Variants in ATRNL1 observed in about 807,000 individuals in gnomAD.
ATRNL1 encodes the protein attractin like 1.
In ATRNL1, 95 loss-of-function variants were observed where a neutral mutation model predicts 182.7. The ratio of observed to expected loss-of-function variants is 0.52; its 90% CI spans 0.44 to 0.62. ATRNL1 has a LOEUF of 0.62. ATRNL1 is among the 20% of genes least tolerant of loss of function. ATRNL1 has a pLI of 0.00. For synonymous variants in ATRNL1, 576 were observed against 568.3 expected, an observed-to-expected ratio of 1.01 and a Z score of -0.19; for missense variants, 1,471 against 1,679.5, an observed-to-expected ratio of 0.88 and a Z score of 2.17.
At chr10:115,215,583 A>C in intron 8 of ATRNL1, 114 bp from the exon 9 acceptor site, 1 of 808,778 alleles carries the variant, frequency 1.2e-6, no homozygotes, top group Non-Finnish European at 1.9e-6. Context: ...TAGATATACA[A>C]TGTTTACTCA....
chr10:115,298,758 C>G (rs1248950378), intron 15 of ATRNL1, among the ~76,000 whole-genome samples: 20 of 152,028 alleles, frequency 1.3e-4, no homozygotes, highest in Admixed American at 1.3e-3. Flanking sequence ...TGGAAGATAA[C>G]AATTTTTATT....
At chr10:115,647,860 A>G (rs1859731768) in intron 26 of ATRNL1, among the ~76,000 whole-genome samples, 1 of 152,120 alleles carries the variant, frequency 6.6e-6, no homozygotes, top group East Asian at 1.9e-4. Context: ...TTAGTCATGA[A>G]GTCCTTGCCC....
At chr10:115,679,307 G>T (rs2532724) in intron 26 of ATRNL1, among the ~76,000 whole-genome samples, 96,784 of 151,724 alleles carry the variant, frequency 0.64, 31,379 homozygotes, top group East Asian at 0.96. Context: ...TGTTTGTTTG[G>T]TTGGTTGGTT....
At chr10:115,229,238 A>G (rs1403991890) in intron 9 of ATRNL1, among the ~76,000 whole-genome samples, 1 of 152,170 alleles carries the variant, frequency 6.6e-6, no homozygotes, top group African/African-American at 2.4e-5. Flanking sequence ...ATCTAGCTTC[A>G]ATTTGATATA....
Position 115,653,001 on chromosome 10 carries a change from A to G in ATRNL1, c.3796-74247A>G, listed in dbSNP as rs1309383497. Among the ~76,000 whole-genome samples the G allele has an allele frequency of 6.6e-5, 10 of 152,270 alleles. 1 individual carries two copies. The highest frequency in any genetic ancestry group is 2.2e-4 in the African/African-American group (9 of 41,576). ...GAAGCTTTTGATTTATTTTTAAATA[A>G]TAGTTTTTATTTGTCATTGCGTAAA... On this transcript the variant is annotated intron_variant, in intron 26 of 28. Transcript: ENST00000355044.
intron 10 of ATRNL1, among the ~76,000 whole-genome samples, chr10:115,242,884 T>C (rs1850481084): frequency 6.6e-6 from 1 of 152,084 alleles, no homozygotes; most frequent in Non-Finnish European, 1.5e-5. Flanking sequence ...CATGGGATTG[T>C]CTCAGCTTTT....
chr10:115,525,291 A>G (rs922506534), intron 25 of ATRNL1, among the ~76,000 whole-genome samples: 3 of 151,962 alleles, frequency 2.0e-5, no homozygotes, highest in South Asian at 2.1e-4. Flanking sequence ...TTGTGAGCCA[A>G]CCCCCTTGGC....
chr10:115,681,416 C>A (rs139772840), intron 26 of ATRNL1, among the ~76,000 whole-genome samples: 1 of 152,038 alleles, frequency 6.6e-6, no homozygotes, highest in Non-Finnish European at 1.5e-5. Context: ...AAATTATTAT[C>A]CCCACTTTAA....
chr10:115,319,029 A>T (rs12253499), intron 18 of ATRNL1, among the ~76,000 whole-genome samples: 1 of 151,944 alleles, frequency 6.6e-6, no homozygotes, highest in East Asian at 1.9e-4. Context: ...GTGGGCATTT[A>T]GTGCTATAAA....
At chr10:115,281,274 CA>C in intron 13 of ATRNL1, 80 bp from the exon 14 acceptor site, 1 of 1,223,032 alleles carries the variant, frequency 8.2e-7, no homozygotes, top group African/African-American at 1.5e-5. Context: ...TAAAGTTCAC[CA>C]GAGGATTTAA....
intron 21 of ATRNL1, among the ~76,000 whole-genome samples, chr10:115,453,288 G>A (rs1470080555): frequency 6.6e-6 from 1 of 152,022 alleles, no homozygotes; most frequent in East Asian, 1.9e-4. Context: ...TTTTCATAAT[G>A]GCAGCACCAA....
At chr10:115,898,603 GAC>G (rs1952267896) in intron 28 of ATRNL1, among the ~76,000 whole-genome samples, 1 of 152,154 alleles carries the variant, frequency 6.6e-6, no homozygotes, top group Admixed American at 6.5e-5. Flanking sequence ...GAGTGGAGGT[GAC>G]ACACACCTTG....
intron 26 of ATRNL1, among the ~76,000 whole-genome samples, chr10:115,569,577 C>T (rs1854272031): frequency 6.6e-6 from 1 of 152,018 alleles, no homozygotes; most frequent in Non-Finnish European, 1.5e-5. Context: ...AAAGCAAAGC[C>T]AAAAATATTA....
rs1051690847 is a variant in ATRNL1, at chr10:115,947,097, T to C, written c.*2318T>C. ...CACATATTGCTAACTCTGTGGCTAATTATGCAATTAATTCTCAACGTATCA... is the reference window on the plus strand; with the variant it reads ...CACATATTGCTAACTCTGTGGCTAACTATGCAATTAATTCTCAACGTATCA... On this transcript the variant is annotated 3_prime_UTR_variant, in exon 29 of 29. Transcript: ENST00000355044. 1 of 152,658 alleles carries C rather than the reference T, an allele frequency of 6.6e-6. No individual in the cohort carries two copies. The highest frequency in any genetic ancestry group is 1.9e-4 in the East Asian group (1 of 5,194). The allele number at this position is 152,658 out of a possible 1,614,324, so 9.5% of individuals were successfully genotyped here.
intron 27 of ATRNL1, among the ~76,000 whole-genome samples, chr10:115,783,544 A>G (rs1031867021): frequency 3.3e-5 from 5 of 152,196 alleles, no homozygotes; most frequent in Admixed American, 2.0e-4. Context: ...ATGTTAAAAT[A>G]CGTATAAATT....
At chr10:115,391,981 A>G (rs1385282105) in intron 19 of ATRNL1, among the ~76,000 whole-genome samples, 1 of 152,156 alleles carries the variant, frequency 6.6e-6, no homozygotes, top group Non-Finnish European at 1.5e-5. Context: ...GTTTTTAAAA[A>G]CAGGAATTGA....
chr10:115,526,785 G>A (rs905002809), intron 25 of ATRNL1, among the ~76,000 whole-genome samples: 25 of 152,154 alleles, frequency 1.6e-4, no homozygotes, highest in African/African-American at 5.8e-4. Context: ...AGGGAGGGGA[G>A]ATAATGGGAG....
intron 11 of ATRNL1, among the ~76,000 whole-genome samples, chr10:115,265,704 G>C (rs1195156452): frequency 1.3e-5 from 2 of 151,692 alleles, no homozygotes; most frequent in African/African-American, 4.8e-5. Flanking sequence ...TGTGATTTTT[G>C]ACAAGTCTCT....
intron 9 of ATRNL1, among the ~76,000 whole-genome samples, chr10:115,239,992 G>T (rs1462907308): frequency 6.6e-6 from 1 of 152,074 alleles, no homozygotes; most frequent in Non-Finnish European, 1.5e-5. Context: ...TACTTGCCTG[G>T]GGTAGAATTT....
Sources: gnomAD v4.1 joint callset for allele counts (sites outside exome capture counted in the v4.1 genomes callset) on GRCh38, gnomAD v4.1.1 for gene constraint, MANE v1.5 for transcripts, NCBI Gene and HGNC (gene_info 2026-07-23, HGNC 2026-07-21) for gene names.